The following MED28 variants were observed in gnomAD, a reference collection of about 807,000 sequenced individuals.
MED28 encodes mediator complex subunit 28.
MED28 carries 26 observed loss-of-function variants against 21.3 expected under a neutral mutation model. That is an observed-to-expected ratio of 1.22 (90% CI 0.89 to 1.69). The LOEUF (loss-of-function observed/expected upper bound fraction) is 1.69. MED28 is among the 40% of genes most tolerant of loss of function. The pLI, the probability that MED28 is intolerant of heterozygous loss-of-function variation, is 0.00. For synonymous variants in MED28, 110 were observed against 87.6 expected, an observed-to-expected ratio of 1.26 and a Z score of -1.43; for missense variants, 257 against 215.4, an observed-to-expected ratio of 1.19 and a Z score of -1.21.
chr4:17,618,559 C>T (rs181909024), intron 1 of MED28, among the ~76,000 whole-genome samples: 27 of 152,298 alleles, frequency 1.8e-4, no homozygotes, highest in African/African-American at 5.8e-4. Context: ...CCCTGTCACC[C>T]AGGCTGGAGT....
rs914925399 is a variant in MED28 at position 17,633,499 on chromosome 4, G to A, written c.*9701G>A. The stretch of plus-strand genomic sequence containing the variant: ...ACTGTAATTTGAATTCAGACCTCCA[G>A]GCCAGATGGAGTCCACCTTTTGTAT... On this transcript the variant is annotated 3_prime_UTR_variant, in exon 4 of 4. Coordinates refer to ENST00000237380, the MANE Select transcript of MED28 (RefSeq NM_025205.5). 1 of 517,200 alleles carries A rather than the reference G, an allele frequency of 1.9e-6. No homozygotes were observed. 32.0% of individuals were successfully genotyped at this position (517,200 alleles called of 1,614,324 possible).
At chr4:17,616,030 G>A (rs1468424023) in intron 1 of MED28, among the ~76,000 whole-genome samples, 1 of 151,988 alleles carries the variant, frequency 6.6e-6, no homozygotes, top group African/African-American at 2.4e-5. Context: ...GCGCAATTTC[G>A]GCTTACTGCA....
rs542496109 is a variant in MED28, at chr4:17,633,527, C to T, written c.*9729C>T. The T allele has an allele frequency of 3.3e-6, 2 of 603,024 alleles. No homozygotes were observed. Among genetic ancestry groups the T allele is most frequent in the East Asian group, 6.3e-5 (2 of 31,998 alleles). The allele number at this position is 603,024 out of a possible 1,614,324, so 37.4% of individuals were successfully genotyped here. A position where few individuals can be genotyped will look rare whatever the true frequency, so the allele number is the denominator to read the frequency against. ...CAGATGGAGTCCACCTTTTGTATAA[C>T]CCATGCTGAAGTTTTCAGGTAAGTG... On this transcript the variant is annotated 3_prime_UTR_variant, in exon 4 of 4. Coordinates refer to ENST00000237380, the MANE Select transcript of MED28 (RefSeq NM_025205.5).
In MED28 at chr4:17,621,621, T is replaced by A; in HGVS notation, c.261T>A (p.Ile87=). ...AGTGTATCCAGAAGTTTCTGGATAT[T>A]GCAAGACAGACAGAATGTTTTTTCT... ...VDQCIQKFLD[I]ARQTECFFLQ... Residue 87 remains isoleucine, a synonymous_variant, in exon 3 of 4, where the codon ATT becomes ATA. Transcript: ENST00000237380. The A allele has an allele frequency of 6.2e-7, 1 of 1,610,358 alleles. No individual in the cohort carries two copies. The highest frequency in any genetic ancestry group is 8.5e-7 in the Non-Finnish European group (1 of 1,179,212).
At position 17,624,459 on chromosome 4, in the gene MED28, CTT is replaced by C. The variant is rs1228910079; in HGVS notation, c.*671_*672del. 4 of 144,948 alleles carry C rather than the reference CTT, an allele frequency of 2.8e-5. No homozygotes were observed. The highest frequency in any genetic ancestry group is 3.0e-5 in the Non-Finnish European group (2 of 65,844). 9.0% of individuals were successfully genotyped at this position (144,948 alleles called of 1,614,324 possible). ...ATGTTTATATTTTATGTGGTGTTTACTTTTTTTTTTTGACATAGAAGGATATA... is the reference window on the plus strand; with the variant it reads ...ATGTTTATATTTTATGTGGTGTTTACTTTTTTTTTGACATAGAAGGATATA... On this transcript the variant is annotated 3_prime_UTR_variant, in exon 4 of 4. Coordinates refer to ENST00000237380, the MANE Select transcript of MED28 (RefSeq NM_025205.5).
At chr4:17,618,259 T>G (rs769723278) in intron 1 of MED28, among the ~76,000 whole-genome samples, 1 of 152,156 alleles carries the variant, frequency 6.6e-6, no homozygotes, top group African/African-American at 2.4e-5. Flanking sequence ...TCCACCCATC[T>G]TGGCCTCCAA....
At chr4:17,614,863 A>G in intron 1 of MED28, 50 bp downstream of exon 1, 2 of 1,541,130 alleles carry the variant, frequency 1.3e-6, no homozygotes, top group Non-Finnish European at 1.7e-6. Context: ...TTTTTTCTGA[A>G]ACGTGAACTG....
rs564966822 is a variant in MED28 at position 17,618,149 on chromosome 4, C to A, written c.160-1752C>A. Among the ~76,000 whole-genome samples the A allele has an allele frequency of 4.0e-5, 6 of 151,698 alleles. No individual in the cohort carries two copies. The East Asian group carries it at 9.9e-4, about 25-fold the overall frequency. On this transcript the variant is annotated intron_variant, in intron 1 of 3. Transcript: ENST00000237380. ...GCCTCAGCCTTCCAAGTGGCTGGGA[C>A]TACAGGTGCGCACCACTACGCCTGA...
chr4:17,616,891 A>G (rs1242224312), intron 1 of MED28, among the ~76,000 whole-genome samples: 3 of 152,212 alleles, frequency 2.0e-5, no homozygotes, highest in South Asian at 2.1e-4. Context: ...CCTGATTCAC[A>G]TATATGTCTG....
In MED28 at chr4:17,633,270, A is replaced by G. The variant is rs1281266397; in HGVS notation, c.*9472A>G. 6.4e-6 allele frequency: 1 copy of G among 155,892 alleles called. No homozygotes were observed. Among genetic ancestry groups the G allele is most frequent in the East Asian group, 1.9e-4 (1 of 5,282 alleles). The allele number at this position is 155,892 out of a possible 1,614,324, so 9.7% of individuals were successfully genotyped here. A position where few individuals can be genotyped will look rare whatever the true frequency, so the allele number is the denominator to read the frequency against. On this transcript the variant is annotated 3_prime_UTR_variant, in exon 4 of 4. Transcript: ENST00000237380. ...AAGGTGATAGAGTAAATCTTGAGGA[A>G]TAATGTTAGTAATAATACTGAAACT...
chr4:17,614,895 G>C (rs969433524), intron 1 of MED28, 82 bp downstream of exon 1: 1 of 1,458,392 alleles, frequency 6.9e-7, no homozygotes, highest in Non-Finnish European at 9.2e-7. Flanking sequence ...ATCTCCTCCA[G>C]GGATCCGAGC....
At chr4:17,621,784 G>A (rs1478080540) in intron 3 of MED28, 85 bp downstream of exon 3, 20 of 904,022 alleles carry the variant, frequency 2.2e-5, no homozygotes, top group East Asian at 5.0e-5. Flanking sequence ...AGATGTAACC[G>A]TTTCCTGCGA....
chr4:17,614,690 G>A lies in MED28; in HGVS notation c.36G>A (p.Gln12=), dbSNP rs1318638020. 1 of 1,613,700 alleles carries A rather than the reference G, an allele frequency of 6.2e-7. No individual in the cohort carries two copies. The highest frequency in any genetic ancestry group is 8.5e-7 in the Non-Finnish European group (1 of 1,179,914). Residue 12 remains glutamine, a synonymous_variant, in exon 1 of 4, where the codon CAG becomes CAA. Transcript: ENST00000237380. ...AAPLGGMFSG[Q]PPGPPQAPPG... is the part of the protein sequence containing the mutation. ...CACTAGGGGGTATGTTTTCTGGGCA[G>A]CCACCCGGTCCCCCTCAGGCCCCGC...
rs188441461 is a variant in MED28, at chr4:17,631,540, A to C, written c.*7742A>C. On this transcript the variant is annotated 3_prime_UTR_variant, in exon 4 of 4. Coordinates refer to ENST00000237380, the MANE Select transcript of MED28 (RefSeq NM_025205.5). ...ATCATGTTGGCACTATGGTCATTAC[A>C]CTGAGACCTATAACTGGGCTAGGAT... 2.0e-5 allele frequency: 3 copies of C among 152,348 alleles called. No homozygotes were observed. The East Asian group carries it at 5.8e-4, about 29-fold the overall frequency. The allele number at this position is 152,348 out of a possible 1,614,324, so 9.4% of individuals were successfully genotyped here. A position where few individuals can be genotyped will look rare whatever the true frequency, so the allele number is the denominator to read the frequency against.
intron 1 of MED28, among the ~76,000 whole-genome samples, chr4:17,617,628 C>G (rs1481448933): frequency 6.6e-6 from 1 of 152,188 alleles, no homozygotes; most frequent in African/African-American, 2.4e-5. Context: ...TCTTTCTAGG[C>G]AGATGCGGTG....
At chr4:17,615,398 TAGAG>T (rs771918844) in intron 1 of MED28, among the ~76,000 whole-genome samples, 16 of 152,270 alleles carry the variant, frequency 1.1e-4, no homozygotes, top group Middle Eastern at 3.4e-3. Context: ...TGAGGGAAGA[TAGAG>T]AGGTGAAAAT....
chr4:17,624,394 C>T lies in MED28; in HGVS notation c.*596C>T, dbSNP rs1714720435. On this transcript the variant is annotated 3_prime_UTR_variant, in exon 4 of 4. Coordinates refer to ENST00000237380, the MANE Select transcript of MED28 (RefSeq NM_025205.5). ...GTCCTGGGTTAGTATAGTAATCTTA[C>T]AGTAGGATCCTTAGGTTGATGCTGA... is the stretch of plus-strand genomic sequence containing the variant. 6.6e-6 allele frequency: 1 copy of T among 152,500 alleles called. No homozygotes were observed. Among genetic ancestry groups the T allele is most frequent in the Non-Finnish European group, 1.5e-5 (1 of 68,424 alleles). 9.4% of individuals were successfully genotyped at this position (152,500 alleles called of 1,614,324 possible). A position where few individuals can be genotyped will look rare whatever the true frequency, so the allele number is the denominator to read the frequency against.
At chr4:17,618,597 A>G (rs1427943614) in intron 1 of MED28, among the ~76,000 whole-genome samples, 1 of 151,868 alleles carries the variant, frequency 6.6e-6, no homozygotes, top group East Asian at 1.9e-4. Flanking sequence ...GCTCACTGCA[A>G]CCTCTGCCTC....
chr4:17,628,621 C>G lies in MED28; in HGVS notation c.*4823C>G, dbSNP rs751906363. The G allele has an allele frequency of 4.6e-5, 7 of 152,078 alleles. No homozygotes were observed. The highest frequency in any genetic ancestry group is 1.7e-4 in the African/African-American group (7 of 41,418). 9.4% of individuals were successfully genotyped at this position (152,078 alleles called of 1,614,324 possible). Reference sequence around the variant, plus strand: ...TTTGGCTGAAGGCATTCACACCCCCCAGTGAATGTCTTGCACTTCTAATTG... The same window carrying G: ...TTTGGCTGAAGGCATTCACACCCCCGAGTGAATGTCTTGCACTTCTAATTG... On this transcript the variant is annotated 3_prime_UTR_variant, in exon 4 of 4. Coordinates refer to ENST00000237380, the MANE Select transcript of MED28 (RefSeq NM_025205.5).
Sources: allele counts gnomAD v4.1 joint callset (sites outside exome capture counted in the v4.1 genomes callset), GRCh38; gene constraint gnomAD v4.1.1; transcripts MANE v1.5; gene names NCBI Gene and HGNC (gene_info 2026-07-23, HGNC 2026-07-21).